VIT: variants seen among roughly 807,000 people sequenced by gnomAD.
VIT encodes vitrin.
A neutral mutation model predicts 78.0 loss-of-function variants in VIT; 99 were observed. The observed-to-expected ratio is 1.27, with a 90% CI of 1.08 to 1.50. The LOEUF (loss-of-function observed/expected upper bound fraction) is 1.50, where lower values mean the gene tolerates loss of function less well. Ranked by LOEUF, VIT falls within the 40% of genes most tolerant of loss-of-function variation. The pLI is 0.00. For missense variants in VIT, 1,126 were observed against 875.3 expected, an observed-to-expected ratio of 1.29 and a Z score of -3.61; for synonymous variants, 374 against 334.3, an observed-to-expected ratio of 1.12 and a Z score of -1.29.
chr2:36,729,068 T>C (rs1191417688), intron 2 of VIT, among the ~76,000 whole-genome samples: 1 of 152,198 alleles, frequency 6.6e-6, no homozygotes, highest in Non-Finnish European at 1.5e-5. Context: ...TGTTTAGATA[T>C]ATTTCGATAC....
intron 12 of VIT, among the ~76,000 whole-genome samples, chr2:36,793,433 T>C (rs937056628): frequency 2.0e-5 from 3 of 152,204 alleles, no homozygotes; most frequent in South Asian, 2.1e-4. Context: ...CCTGAGCAGA[T>C]TGGCCCAGGA....
chr2:36,807,514 T>A (rs1666818782), intron 14 of VIT, among the ~76,000 whole-genome samples: 1 of 152,230 alleles, frequency 6.6e-6, no homozygotes, highest in Non-Finnish European at 1.5e-5. Context: ...GAACTCCATT[T>A]AGGTTTTTAC....
At chr2:36,749,123 C>T (rs1668309138) in intron 4 of VIT, among the ~76,000 whole-genome samples, 1 of 152,176 alleles carries the variant, frequency 6.6e-6, no homozygotes. Context: ...TGTACTCTTT[C>T]ATGTTCATGA....
At chr2:36,714,877 C>T (rs1020600467) in intron 1 of VIT, among the ~76,000 whole-genome samples, 3 of 152,266 alleles carry the variant, frequency 2.0e-5, no homozygotes, top group Middle Eastern at 3.4e-3. Flanking sequence ...AGAATATACT[C>T]AATTAATAGT....
At chr2:36,792,036 A>G (rs1665539101) in intron 12 of VIT, among the ~76,000 whole-genome samples, 1 of 152,222 alleles carries the variant, frequency 6.6e-6, no homozygotes, top group African/African-American at 2.4e-5. Context: ...TCAGAGCAGG[A>G]AGGGGCTGTC....
At chr2:36,751,466 C>A (rs114793988) in intron 4 of VIT, among the ~76,000 whole-genome samples, 5 of 152,124 alleles carry the variant, frequency 3.3e-5, no homozygotes, top group Non-Finnish European at 7.4e-5. Context: ...ACTTCCAGCC[C>A]GGAGCCCAGG....
In VIT at chr2:36,717,366, G is replaced by C. The variant is rs866785352; in HGVS notation, c.52+944G>C. 8.8e-3 allele frequency among the ~76,000 whole-genome samples: 1,211 copies of C among 138,116 alleles called. 19 individuals are homozygous for C. Among genetic ancestry groups the C allele is most frequent in the African/African-American group, 0.029 (1,108 of 37,692 alleles). The allele number at this position is 138,116 out of a possible 152,430, so 90.6% of individuals were successfully genotyped here. A position where few individuals can be genotyped will look rare whatever the true frequency, so the allele number is the denominator to read the frequency against. ...TGTGTGTGTGTGTGTGTGTGTGTGTGTGTGTGTGTGTGTGTGTGTGTGTGT... is the reference window on the plus strand; with the variant it reads ...TGTGTGTGTGTGTGTGTGTGTGTGTCTGTGTGTGTGTGTGTGTGTGTGTGT... On this transcript the variant is annotated intron_variant, in intron 2 of 15. Coordinates refer to ENST00000379242, the MANE Select transcript of VIT (RefSeq NM_053276.4).
chr2:36,709,240 A>G (rs976354214), intron 1 of VIT, among the ~76,000 whole-genome samples: 1 of 152,216 alleles, frequency 6.6e-6, no homozygotes, highest in African/African-American at 2.4e-5. Flanking sequence ...TGAAACAGCT[A>G]TGGCAAGGGG....
chr2:36,792,694 G>A (rs1165596525), intron 12 of VIT, among the ~76,000 whole-genome samples: 3 of 152,122 alleles, frequency 2.0e-5, no homozygotes, highest in East Asian at 3.9e-4. Flanking sequence ...TGATTCTGTG[G>A]TGCAACCAGA....
chr2:36,792,403 A>C (rs1054973810), intron 12 of VIT, among the ~76,000 whole-genome samples: 10 of 151,948 alleles, frequency 6.6e-5, no homozygotes, highest in Non-Finnish European at 1.5e-4. Context: ...TCTGCCTCCC[A>C]TGCTTTTATT....
At chr2:36,729,049 C>T (rs1027172238) in intron 2 of VIT, among the ~76,000 whole-genome samples, 1 of 152,024 alleles carries the variant, frequency 6.6e-6, no homozygotes, top group Non-Finnish European at 1.5e-5. Context: ...TTTTACTATA[C>T]CTTTTTTATG....
At chr2:36,698,848 G>C (rs1443671781) in intron 1 of VIT, among the ~76,000 whole-genome samples, 7 of 152,058 alleles carry the variant, frequency 4.6e-5, no homozygotes, top group Non-Finnish European at 7.4e-5. Context: ...GGAGGCTGAG[G>C]CAGGAGAATC....
chr2:36,782,520 G>C (rs1388649304), intron 10 of VIT, among the ~76,000 whole-genome samples: 1 of 152,242 alleles, frequency 6.6e-6, no homozygotes, highest in Non-Finnish European at 1.5e-5. Context: ...CTCCACTCCG[G>C]GGAATCCCGG....
chr2:36,715,547 A>T (rs1024911991), intron 1 of VIT, among the ~76,000 whole-genome samples: 14 of 145,986 alleles, frequency 9.6e-5, no homozygotes, highest in Middle Eastern at 3.2e-3. Context: ...AAAAAAAAAT[A>T]AAAAAAAAAA....
intron 1 of VIT, among the ~76,000 whole-genome samples, chr2:36,713,235 T>C (rs1665915092): frequency 6.6e-6 from 1 of 152,026 alleles, no homozygotes; most frequent in Non-Finnish European, 1.5e-5. Flanking sequence ...TTGAAAGAAA[T>C]GAGGGAGCAA....
chr2:36,787,761 A>G (rs1298503628), intron 12 of VIT: 2 of 445,308 alleles, frequency 4.5e-6, no homozygotes, highest in East Asian at 7.1e-5. Flanking sequence ...TTTAGGTTGT[A>G]TCTTCTCTTT....
chr2:36,729,797 T>C (rs753202823), intron 3 of VIT, among the ~76,000 whole-genome samples: 11 of 152,160 alleles, frequency 7.2e-5, no homozygotes, highest in Non-Finnish European at 1.6e-4. Flanking sequence ...AGCCCTGACA[T>C]TGAAATGTTG....
intron 1 of VIT, among the ~76,000 whole-genome samples, chr2:36,704,609 T>G (rs1438661587): frequency 6.6e-6 from 1 of 152,112 alleles, no homozygotes; most frequent in East Asian, 1.9e-4. Flanking sequence ...TCTAAATGAC[T>G]CTGTTTCTAC....
At chr2:36,790,639 T>G (rs1469685126) in intron 12 of VIT, among the ~76,000 whole-genome samples, 1 of 152,178 alleles carries the variant, frequency 6.6e-6, no homozygotes, top group Non-Finnish European at 1.5e-5. Flanking sequence ...CACAGCTAAA[T>G]GCATGACTGG....
Sources: allele counts gnomAD v4.1 joint callset (sites outside exome capture counted in the v4.1 genomes callset), GRCh38; gene constraint gnomAD v4.1.1; transcripts MANE v1.5; gene names NCBI Gene and HGNC (gene_info 2026-07-23, HGNC 2026-07-21).